The following PCDHA4 variants were observed in gnomAD, a reference collection of about 807,000 sequenced individuals.
PCDHA4 encodes the protein protocadherin alpha-4.
PCDHA4 carries 49 observed loss-of-function variants against 61.4 expected under a neutral mutation model. That is an observed-to-expected ratio of 0.80 (90% CI 0.63 to 1.01). The LOEUF (loss-of-function observed/expected upper bound fraction) is 1.01, where lower values mean the gene tolerates loss of function less well. PCDHA4 is among the 50% of genes least tolerant of loss of function. The probability of loss-of-function intolerance (pLI) is 0.00; values close to 1 mark genes in which losing one functional copy is unlikely to be tolerated. For missense variants in PCDHA4, 1,254 were observed against 1,235.8 expected, an observed-to-expected ratio of 1.01 and a Z score of -0.22; for synonymous variants, 590 against 550.3, an observed-to-expected ratio of 1.07 and a Z score of -1.01.
At chr5:140,828,668 G>A (rs2150157803) in intron 1 of PCDHA4, 1 of 1,614,160 alleles carries the variant, frequency 6.2e-7, no homozygotes, top group East Asian at 2.2e-5. Context: ...TAAACAAATT[G>A]GGCTCTTATT....
rs782727100 is a variant in PCDHA4, at chr5:140,877,121, C to G, written c.2385+67549C>G. 12 of 1,613,694 alleles carry G rather than the reference C, an allele frequency of 7.4e-6. No homozygotes were observed. In the South Asian group the frequency reaches 8.8e-5, roughly 12 times the overall value. ...GTGCCGCCTCTGGGCAGCAACGTGA[C>G]GCTGCAGGTGTTCGTGCTGGACGAG... is the stretch of plus-strand genomic sequence containing the variant. On this transcript the variant is annotated intron_variant, in intron 1 of 3. Coordinates refer to ENST00000530339, the MANE Select transcript of PCDHA4 (RefSeq NM_018907.4).
chr5:140,868,098 A>C (rs972281563), intron 1 of PCDHA4: 1 of 152,120 alleles, frequency 6.6e-6, no homozygotes, highest in African/African-American at 2.4e-5. Context: ...AATGATAATA[A>C]AATTTATTTT....
At chr5:140,986,246 C>G (rs561365390) in intron 3 of PCDHA4, among the ~76,000 whole-genome samples, 1 of 152,296 alleles carries the variant, frequency 6.6e-6, no homozygotes, top group South Asian at 2.1e-4. Flanking sequence ...TGAGCAGACC[C>G]GGACCACAGG....
chr5:141,010,058 C>T lies in PCDHA4; in HGVS notation c.*121C>T. On this transcript the variant is annotated 3_prime_UTR_variant, in exon 4 of 4. Transcript: ENST00000530339. Reference sequence around the variant, plus strand: ...GAGCCCTCTTAGAGACCTCAGAAATCTGCAGAAAGTTCCCTGTGTCTGTCT... The same window carrying T: ...GAGCCCTCTTAGAGACCTCAGAAATTTGCAGAAAGTTCCCTGTGTCTGTCT... 6.2e-7 allele frequency: 1 copy of T among 1,601,100 alleles called. No homozygotes were observed. Among genetic ancestry groups the T allele is most frequent in the Non-Finnish European group, 8.5e-7 (1 of 1,173,728 alleles).
At position 140,944,954 on chromosome 5, in the gene PCDHA4, G is replaced by T. The variant is rs59917150; in HGVS notation, c.2386-33995G>T. Among the ~76,000 whole-genome samples the T allele has an allele frequency of 8.9e-3, 1,356 of 152,182 alleles. 15 individuals are homozygous for T. Among genetic ancestry groups the T allele is most frequent in the African/African-American group, 0.032 (1,311 of 41,514 alleles). ...CTTCTTTAGATGATTGTGAATAAGA[G>T]TATTATCTTAACCTCTCTGGTGGGT... On this transcript the variant is annotated intron_variant, in intron 1 of 3. Coordinates refer to ENST00000530339, the MANE Select transcript of PCDHA4 (RefSeq NM_018907.4).
rs782731784 is a variant in PCDHA4, at chr5:140,857,723, G to A, written c.2385+48151G>A. 2.5e-6 allele frequency: 4 copies of A among 1,597,400 alleles called. No individual in the cohort carries two copies. Among genetic ancestry groups the A allele is most frequent in the Admixed American group, 1.7e-5 (1 of 59,286 alleles). On this transcript the variant is annotated intron_variant, in intron 1 of 3. Transcript: ENST00000530339. ...GCAGGTGTTCGTGCTGGACGAGAAC[G>A]ACAACGCTCCCGCGCTGCTGGCGTC...
At chr5:140,824,120 C>G in intron 1 of PCDHA4, 1 of 1,613,896 alleles carries the variant, frequency 6.2e-7, no homozygotes, top group Non-Finnish European at 8.5e-7. Context: ...CCCACCTCTA[C>G]AGACAACGTG....
At position 140,807,717 on chromosome 5, in the gene PCDHA4, A is replaced by G. The variant is rs781885240; in HGVS notation, c.530A>G (p.Tyr177Cys). 6.2e-7 allele frequency: 1 copy of G among 1,614,026 alleles called. No individual in the cohort carries two copies. Among genetic ancestry groups the G allele is most frequent in the African/African-American group, 1.3e-5 (1 of 74,894 alleles). The stretch of plus-strand genomic sequence containing the variant: ...ACTTACAGACTGAGCCCAAATGAAT[A>G]CTTTTCTCTGGAAAAACCACCTGAT... ...LLTYRLSPNEYFSLEKPPDDE... is the reference protein window; with the variant it reads ...LLTYRLSPNECFSLEKPPDDE... Residue 177 changes from tyrosine to cysteine, a missense_variant, in exon 1 of 4, where the codon TAC becomes TGC. Transcript: ENST00000530339.
At position 140,900,569 on chromosome 5, in the gene PCDHA4, A is replaced by AC. The variant is rs201845192; in HGVS notation, c.2386-78378dup. 8.0e-3 allele frequency among the ~76,000 whole-genome samples: 1,218 copies of AC among 152,298 alleles called. 6 individuals carry two copies. Among genetic ancestry groups the AC allele is most frequent in the African/African-American group, 0.019 (786 of 41,566 alleles). On this transcript the variant is annotated intron_variant, in intron 1 of 3. Coordinates refer to ENST00000530339, the MANE Select transcript of PCDHA4 (RefSeq NM_018907.4). The stretch of plus-strand genomic sequence containing the variant: ...TGGGATTACAGGCGTGAGCCACGGC[A>AC]CCGGCCCATTTTCTTTACCCGTTCA...
At chr5:140,885,107 T>G (rs2060471687) in intron 1 of PCDHA4, among the ~76,000 whole-genome samples, 1 of 152,238 alleles carries the variant, frequency 6.6e-6, no homozygotes, top group African/African-American at 2.4e-5. Context: ...TAAATGCTTT[T>G]TTTAAGTGCA....
At chr5:140,869,347 G>C (rs782437200) in intron 1 of PCDHA4, 1 of 1,614,082 alleles carries the variant, frequency 6.2e-7, no homozygotes, top group Non-Finnish European at 8.5e-7. Context: ...TCTGCAGAAT[G>C]GCATTTTGTT....
chr5:140,856,215 C>A lies in PCDHA4; in HGVS notation c.2385+46643C>A, dbSNP rs781995878. ...GCGCAGGACCTGGGGCTGGAGCTGGCGGAGCTGGTGCAGCGCCTGTTCCGG... is the reference window on the plus strand; with the variant it reads ...GCGCAGGACCTGGGGCTGGAGCTGGAGGAGCTGGTGCAGCGCCTGTTCCGG... On this transcript the variant is annotated intron_variant, in intron 1 of 3. Coordinates refer to ENST00000530339, the MANE Select transcript of PCDHA4 (RefSeq NM_018907.4). 3 of 1,597,902 alleles carry A rather than the reference C, an allele frequency of 1.9e-6. No individual in the cohort carries two copies. Among genetic ancestry groups the A allele is most frequent in the African/African-American group, 1.3e-5 (1 of 74,266 alleles).
chr5:140,928,943 T>C, intron 1 of PCDHA4: 1 of 1,614,090 alleles, frequency 6.2e-7, no homozygotes, highest in Non-Finnish European at 8.5e-7. Flanking sequence ...AACTTGTATT[T>C]AGTAATTGCC....
intron 1 of PCDHA4, chr5:140,968,519 A>G (rs1030847582): frequency 1.2e-6 from 2 of 1,614,008 alleles, no homozygotes; most frequent in South Asian, 1.1e-5. Flanking sequence ...CCCTACCTCA[A>G]CCAACTCGTC....
intron 1 of PCDHA4, chr5:140,848,197 A>G: frequency 3.2e-6 from 1 of 310,898 alleles, no homozygotes; most frequent in Middle Eastern, 9.7e-4. Flanking sequence ...TTCTGTTTCA[A>G]CAATCATTAC....
At chr5:140,967,784 C>G in intron 1 of PCDHA4, 1 of 1,614,174 alleles carries the variant, frequency 6.2e-7, no homozygotes, top group Non-Finnish European at 8.5e-7. Flanking sequence ...GGCGACTGAC[C>G]GGGGTCCAGT....
Position 140,817,805 on chromosome 5 carries a change from G to A in PCDHA4, c.2385+8233G>A, listed in dbSNP as rs2150099205. Among the ~76,000 whole-genome samples, 979 of 152,180 alleles carry A rather than the reference G, an allele frequency of 6.4e-3. 8 individuals are homozygous for A. The highest frequency in any genetic ancestry group is 0.023 in the African/African-American group (944 of 41,514). On this transcript the variant is annotated intron_variant, in intron 1 of 3. Transcript: ENST00000530339. Reference sequence around the variant, plus strand: ...GGCCTGCTGGTAAAGAAACCTTTACGTTTTTATATATCTGGAAATGTCTTA... The same window carrying A: ...GGCCTGCTGGTAAAGAAACCTTTACATTTTTATATATCTGGAAATGTCTTA...
In PCDHA4 at chr5:140,850,694, G is replaced by A. The variant is rs2150494629; in HGVS notation, c.2385+41122G>A. ...CGATGCCCACCGAGGGCGAGTGCGC[G>A]CCTGGCAAGCCGACGCTGGTGTGTT... On this transcript the variant is annotated intron_variant, in intron 1 of 3. Coordinates refer to ENST00000530339, the MANE Select transcript of PCDHA4 (RefSeq NM_018907.4). 483 of 1,598,228 alleles carry A rather than the reference G, an allele frequency of 3.0e-4. 44 individuals are homozygous for A. Among genetic ancestry groups the A allele is most frequent in the Non-Finnish European group, 3.8e-4 (449 of 1,167,808 alleles).
rs116160554 is a variant in PCDHA4, at chr5:140,845,319, C to A, written c.2385+35747C>A. Among the ~76,000 whole-genome samples the A allele has an allele frequency of 3.7e-3, 557 of 149,574 alleles. 34 individuals carry two copies. Among genetic ancestry groups the A allele is most frequent in the African/African-American group, 0.011 (448 of 40,946 alleles). ...ATGTCTACCTGGTTCTCAGGTATTA[C>A]TTTAATTACTGAATTCTCCTAAACA... On this transcript the variant is annotated intron_variant, in intron 1 of 3. Coordinates refer to ENST00000530339, the MANE Select transcript of PCDHA4 (RefSeq NM_018907.4).
Sources: gnomAD v4.1 joint callset for allele counts (sites outside exome capture counted in the v4.1 genomes callset) on GRCh38, gnomAD v4.1.1 for gene constraint, MANE v1.5 for transcripts, NCBI Gene and HGNC (gene_info 2026-07-23, HGNC 2026-07-21) for gene names.